Variants in MAP3K9 observed in about 807,000 individuals in gnomAD.
The protein encoded by MAP3K9 is mitogen-activated protein kinase kinase kinase 9, also known as mixed lineage kinase 1 (tyr and ser/thr specificity).
A neutral mutation model predicts 95.8 loss-of-function variants in MAP3K9; 46 were observed. That is an observed-to-expected ratio of 0.48 (90% CI 0.38 to 0.61). MAP3K9 has a LOEUF of 0.61. Ranked by LOEUF, MAP3K9 falls within the 20% of genes least tolerant of loss-of-function variation. The pLI is 0.00. For missense variants in MAP3K9, 1,296 were observed against 1,474.3 expected (o/e 0.88, Z 1.98); for synonymous variants, 533 against 593.8 (o/e 0.90, Z 1.49).
In MAP3K9 at chr14:70,794,967, G is replaced by A. The variant is rs558104084; in HGVS notation, c.820+5700C>T. Among the ~76,000 whole-genome samples the A allele has an allele frequency of 1.9e-4, 26 of 133,520 alleles. No homozygotes were observed. The South Asian group carries it at 5.6e-3, about 29-fold the overall frequency. 87.6% of individuals were successfully genotyped at this position (133,520 alleles called of 152,430 possible). On this transcript the variant is annotated intron_variant, in intron 2 of 11. Coordinates refer to ENST00000554752, the MANE Select transcript of MAP3K9 (RefSeq NM_001284230.2). Reference sequence around the variant, plus strand: ...GCTAGGATTACAAGAATGAGCCACCGTGACCAGCCTCTTTTTCTTTTCCTT... The same window carrying A: ...GCTAGGATTACAAGAATGAGCCACCATGACCAGCCTCTTTTTCTTTTCCTT...
At position 70,809,489 on chromosome 14, in the gene MAP3K9, A is replaced by G. The variant is rs740036; in HGVS notation, c.-318T>C. ...CGCGCAGCCGGTGCCCGCCGCTGCC[A>G]GCCGGCCGCCGCTCTCCTCTCCGCG... On this transcript the variant is annotated 5_prime_UTR_variant, in exon 1 of 12. Coordinates refer to ENST00000554752, the MANE Select transcript of MAP3K9 (RefSeq NM_001284230.2). The G allele has an allele frequency of 1.7e-5, 3 of 176,560 alleles. No individual in the cohort carries two copies. The highest frequency in any genetic ancestry group is 3.5e-5 in the Non-Finnish European group (3 of 84,654). 10.9% of individuals were successfully genotyped at this position (176,560 alleles called of 1,614,324 possible).
At chr14:70,803,771 G>C (rs568492022) in intron 1 of MAP3K9, among the ~76,000 whole-genome samples, 1 of 152,326 alleles carries the variant, frequency 6.6e-6, no homozygotes, top group East Asian at 1.9e-4. Flanking sequence ...TCTTCCTGAA[G>C]AATGAATGTC....
intron 2 of MAP3K9, among the ~76,000 whole-genome samples, chr14:70,778,407 C>G (rs975624419): frequency 6.6e-6 from 1 of 151,902 alleles, no homozygotes; most frequent in African/African-American, 2.4e-5. Flanking sequence ...TCCTGAGTAG[C>G]TGGGATTACA....
intron 2 of MAP3K9, among the ~76,000 whole-genome samples, chr14:70,777,776 G>C (rs560985679): frequency 6.6e-6 from 1 of 152,158 alleles, no homozygotes; most frequent in Non-Finnish European, 1.5e-5. Flanking sequence ...TCTCTGCGAA[G>C]AGACACCAGC....
chr14:70,750,468 C>G (rs748678067), intron 3 of MAP3K9, among the ~76,000 whole-genome samples: 9 of 152,092 alleles, frequency 5.9e-5, no homozygotes, highest in Non-Finnish European at 1.3e-4. Context: ...CTTTCACTAT[C>G]ATTATTGTTT....
chr14:70,771,071 A>G (rs955238567), intron 2 of MAP3K9, among the ~76,000 whole-genome samples: 2 of 150,786 alleles, frequency 1.3e-5, no homozygotes, highest in African/African-American at 4.9e-5. Flanking sequence ...TGCTTTCCCT[A>G]CTGTCAACTT....
rs777299749 is a variant in MAP3K9 at position 70,801,116 on chromosome 14, A to C, written c.407-36T>G. 9 of 1,577,362 alleles carry C rather than the reference A, an allele frequency of 5.7e-6. No homozygotes were observed. The East Asian group carries it at 2.0e-4, about 36-fold the overall frequency. On this transcript the variant is annotated intron_variant, in intron 1 of 11. Transcript: ENST00000554752. ...GAAGAAAAAAAGAAGCAAGTCAAAA[A>C]CATCTTGAAAACATCGTATTTAACC...
At chr14:70,792,117 T>C (rs1287953266) in intron 2 of MAP3K9, among the ~76,000 whole-genome samples, 2 of 152,242 alleles carry the variant, frequency 1.3e-5, no homozygotes, top group Non-Finnish European at 1.5e-5. Flanking sequence ...TTATTTTGGC[T>C]TGCAGAACAT....
At chr14:70,737,941 T>A (rs770918390) in intron 8 of MAP3K9, among the ~76,000 whole-genome samples, 10 of 152,214 alleles carry the variant, frequency 6.6e-5, no homozygotes, top group East Asian at 3.8e-4. Context: ...CATTTACATG[T>A]TGTCCATGGT....
chr14:70,780,815 GA>G (rs2054665429), intron 2 of MAP3K9, among the ~76,000 whole-genome samples: 1 of 152,172 alleles, frequency 6.6e-6, no homozygotes, highest in Admixed American at 6.5e-5. Context: ...TCATACCTCT[GA>G]AGTACCCAGC....
intron 3 of MAP3K9, among the ~76,000 whole-genome samples, chr14:70,750,482 G>A (rs1374579706): frequency 6.6e-5 from 10 of 151,890 alleles, no homozygotes; most frequent in Admixed American, 6.6e-4. Flanking sequence ...ATTGTTTTTT[G>A]TTTGTTTGTT....
intron 1 of MAP3K9, among the ~76,000 whole-genome samples, chr14:70,802,416 T>C (rs1465587324): frequency 6.6e-6 from 1 of 152,192 alleles, no homozygotes; most frequent in Admixed American, 6.5e-5. Context: ...GGTACTTGAT[T>C]ATATATTTTG....
intron 2 of MAP3K9, among the ~76,000 whole-genome samples, chr14:70,775,526 G>T (rs1029403997): frequency 6.6e-6 from 1 of 152,166 alleles, no homozygotes; most frequent in Non-Finnish European, 1.5e-5. Context: ...CCTGGGGACA[G>T]TCTCATATTA....
At chr14:70,754,964 C>T (rs2054278753) in intron 3 of MAP3K9, among the ~76,000 whole-genome samples, 1 of 152,172 alleles carries the variant, frequency 6.6e-6, no homozygotes, top group African/African-American at 2.4e-5. Context: ...GACTGGGAAA[C>T]TTACACAATT....
At chr14:70,756,104 C>G (rs550216372) in intron 3 of MAP3K9, among the ~76,000 whole-genome samples, 2 of 152,294 alleles carry the variant, frequency 1.3e-5, no homozygotes, top group African/African-American at 4.8e-5. Context: ...GTTGAAAGGT[C>G]CTGCCCTTGT....
chr14:70,764,142 C>A (rs916597831), intron 2 of MAP3K9, among the ~76,000 whole-genome samples: 4 of 129,402 alleles, frequency 3.1e-5, no homozygotes, highest in Non-Finnish European at 6.4e-5. Context: ...GCCGAGATTG[C>A]GCCACTGCAG....
intron 9 of MAP3K9, among the ~76,000 whole-genome samples, chr14:70,735,408 A>G (rs2053972210): frequency 6.6e-6 from 1 of 151,778 alleles, no homozygotes; most frequent in African/African-American, 2.4e-5. Flanking sequence ...TCATTCAACT[A>G]AAGACCACTT....
At chr14:70,791,226 G>A (rs1331319109) in intron 2 of MAP3K9, among the ~76,000 whole-genome samples, 2 of 152,128 alleles carry the variant, frequency 1.3e-5, no homozygotes, top group African/African-American at 4.8e-5. Flanking sequence ...TTCTTGCCCT[G>A]AACTCAACCC....
At chr14:70,790,390 G>T (rs976069438) in intron 2 of MAP3K9, among the ~76,000 whole-genome samples, 1 of 152,162 alleles carries the variant, frequency 6.6e-6, no homozygotes, top group Non-Finnish European at 1.5e-5. Flanking sequence ...TCCTGGGCAG[G>T]ACCTCAGAGA....
Sources: allele counts gnomAD v4.1 joint callset (sites outside exome capture counted in the v4.1 genomes callset), GRCh38; gene constraint gnomAD v4.1.1; transcripts MANE v1.5; gene names NCBI Gene and HGNC (gene_info 2026-07-23, HGNC 2026-07-21).